SPATA16: variants seen among roughly 807,000 people sequenced by gnomAD.
SPATA16 encodes spermatogenesis associated 16, also known as spermatogenesis-associated protein 16.
A neutral mutation model predicts 63.3 loss-of-function variants in SPATA16; 36 were observed. That is an observed-to-expected ratio of 0.57 (90% CI 0.44 to 0.75). SPATA16 has a LOEUF of 0.75. Ranked by LOEUF, SPATA16 falls within the 30% of genes least tolerant of loss-of-function variation. The pLI is 0.00. For missense variants in SPATA16, 646 were observed against 679.3 expected (o/e 0.95, Z 0.54); for synonymous variants, 203 against 216.7 (o/e 0.94, Z 0.56).
chr3:172,907,597 C>A (rs758368245), intron 10 of SPATA16, among the ~76,000 whole-genome samples: 2 of 150,678 alleles, frequency 1.3e-5, no homozygotes, highest in African/African-American at 2.5e-5. Context: ...TTTTTTGAGA[C>A]AGAGTTTCAC....
chr3:172,916,274 G>C (rs371910720), intron 9 of SPATA16, 43 bp downstream of exon 9: 5 of 1,571,092 alleles, frequency 3.2e-6, no homozygotes, highest in Non-Finnish European at 4.4e-6. Context: ...CTTTTCTGTT[G>C]GCTCTGGGCC....
rs200270757 is a variant in SPATA16, at chr3:173,117,756, G to T, written c.-18-7C>A. On this transcript the variant is annotated splice_polypyrimidine_tract_variant and splice_region_variant and intron_variant, in intron 1 of 10. Transcript: ENST00000351008. ...TCGATCCTGCCCAAAACTCCTGCAG[G>T]GGGGAGAAAAAGGAAAGTAATTAAG... 1.9e-6 allele frequency: 3 copies of T among 1,613,898 alleles called. No individual in the cohort carries two copies. In the Admixed American group the frequency reaches 5.0e-5, roughly 27 times the overall value.
At chr3:173,089,296 T>C (rs1737162167) in intron 2 of SPATA16, among the ~76,000 whole-genome samples, 1 of 152,196 alleles carries the variant, frequency 6.6e-6, no homozygotes, top group Non-Finnish European at 1.5e-5. Context: ...GCGTCCTCTG[T>C]GGTGCACTTC....
chr3:173,080,814 C>A (rs1483184296), intron 2 of SPATA16, among the ~76,000 whole-genome samples: 4 of 152,140 alleles, frequency 2.6e-5, no homozygotes, highest in African/African-American at 9.7e-5. Context: ...ATCTGAAAGT[C>A]CTGCCTTTTG....
chr3:172,928,662 G>T (rs183875979), intron 6 of SPATA16, among the ~76,000 whole-genome samples: 1 of 152,254 alleles, frequency 6.6e-6, no homozygotes, highest in Admixed American at 6.5e-5. Flanking sequence ...GAATAGAAAC[G>T]AGTATCAGTA....
chr3:172,975,349 A>G (rs1734130410), intron 5 of SPATA16, among the ~76,000 whole-genome samples: 1 of 152,146 alleles, frequency 6.6e-6, no homozygotes, highest in African/African-American at 2.4e-5. Context: ...CAGGATAGGT[A>G]CTCATATACA....
At chr3:173,069,813 A>T (rs1736621950) in intron 2 of SPATA16, among the ~76,000 whole-genome samples, 1 of 152,238 alleles carries the variant, frequency 6.6e-6, no homozygotes, top group South Asian at 2.1e-4. Context: ...TATCCCTGTG[A>T]TGCAAGGATA....
At chr3:173,010,150 T>C (rs1334577608) in intron 4 of SPATA16, among the ~76,000 whole-genome samples, 2 of 152,238 alleles carry the variant, frequency 1.3e-5, no homozygotes, top group Non-Finnish European at 2.9e-5. Flanking sequence ...CTCCAGACCC[T>C]ATTCTTCTGC....
At chr3:173,064,965 G>A (rs1471642025) in intron 2 of SPATA16, among the ~76,000 whole-genome samples, 1 of 152,210 alleles carries the variant, frequency 6.6e-6, no homozygotes, top group African/African-American at 2.4e-5. Context: ...AAGGTGTACA[G>A]TGTGAGTTAT....
intron 1 of SPATA16, among the ~76,000 whole-genome samples, chr3:173,124,250 T>C (rs541958516): frequency 2.0e-5 from 3 of 152,348 alleles, no homozygotes; most frequent in Non-Finnish European, 4.4e-5. Flanking sequence ...TTCTCTTTTA[T>C]TATTTATTAA....
intron 2 of SPATA16, among the ~76,000 whole-genome samples, chr3:173,071,437 C>T (rs1577159791): frequency 6.6e-6 from 1 of 151,806 alleles, no homozygotes; most frequent in African/African-American, 2.4e-5. Flanking sequence ...CACAGGTAAC[C>T]AAAGGAAAAA....
At chr3:173,099,487 T>C (rs1455311196) in intron 2 of SPATA16, among the ~76,000 whole-genome samples, 1 of 152,166 alleles carries the variant, frequency 6.6e-6, no homozygotes, top group African/African-American at 2.4e-5. Context: ...TCTTGGTATG[T>C]ATCTCCTGAG....
chr3:173,060,868 T>G (rs1736362761), intron 2 of SPATA16, among the ~76,000 whole-genome samples: 1 of 152,224 alleles, frequency 6.6e-6, no homozygotes, highest in Non-Finnish European at 1.5e-5. Flanking sequence ...GAAATATGGT[T>G]TCCGGATTCC....
rs116980184 is a variant in SPATA16 at position 173,026,101 on chromosome 3, C to T, written c.759-6526G>A. On this transcript the variant is annotated intron_variant, in intron 3 of 10. Coordinates refer to ENST00000351008, the MANE Select transcript of SPATA16 (RefSeq NM_031955.6). Reference sequence around the variant, plus strand: ...AGAACTGGTATGATCAGCATGTATGCGTGTGTTGTGTTTAAAGTTTTAGCG... The same window carrying T: ...AGAACTGGTATGATCAGCATGTATGTGTGTGTTGTGTTTAAAGTTTTAGCG... Among the ~76,000 whole-genome samples, 317 of 151,924 alleles carry T rather than the reference C, an allele frequency of 2.1e-3. 5 individuals are homozygous for T. The highest frequency in any genetic ancestry group is 9.9e-4 in the Admixed American group (15 of 15,228).
At chr3:172,947,521 A>C (rs1300173860) in intron 6 of SPATA16, among the ~76,000 whole-genome samples, 3 of 148,282 alleles carry the variant, frequency 2.0e-5, no homozygotes, top group African/African-American at 5.3e-5. Flanking sequence ...CATTCACAGA[A>C]TATCTGAATA....
intron 4 of SPATA16, among the ~76,000 whole-genome samples, chr3:172,999,689 C>T (rs1322460612): frequency 3.3e-5 from 5 of 152,164 alleles, no homozygotes; most frequent in Non-Finnish European, 7.3e-5. Flanking sequence ...GCTGGGATTA[C>T]AGGCGTGAGC....
At chr3:173,011,441 C>G (rs1009685550) in intron 4 of SPATA16, among the ~76,000 whole-genome samples, 1 of 152,130 alleles carries the variant, frequency 6.6e-6, no homozygotes, top group African/African-American at 2.4e-5. Flanking sequence ...TATGACAAAC[C>G]TGGAGTCAAC....
rs566582418 is a variant in SPATA16 at position 172,944,399 on chromosome 3, C to A, written c.1081+12278G>T. ...ACATGGGGAAATTGGAACACTCGTGCACTTCTGGTGAGAATGTGAAATGGT... is the reference window on the plus strand; with the variant it reads ...ACATGGGGAAATTGGAACACTCGTGAACTTCTGGTGAGAATGTGAAATGGT... On this transcript the variant is annotated intron_variant, in intron 6 of 10. Coordinates refer to ENST00000351008, the MANE Select transcript of SPATA16 (RefSeq NM_031955.6). Among the ~76,000 whole-genome samples, 291 of 152,298 alleles carry A rather than the reference C, an allele frequency of 1.9e-3. 1 individual carries two copies. The highest frequency in any genetic ancestry group is 6.7e-3 in the African/African-American group (280 of 41,564).
chr3:172,976,739 T>C (rs986474378), intron 5 of SPATA16, among the ~76,000 whole-genome samples: 4 of 152,094 alleles, frequency 2.6e-5, no homozygotes, highest in African/African-American at 9.7e-5. Context: ...AAAATTTATA[T>C]TGAGTTGTAA....
Sources: allele counts gnomAD v4.1 joint callset (sites outside exome capture counted in the v4.1 genomes callset), GRCh38; gene constraint gnomAD v4.1.1; transcripts MANE v1.5; gene names NCBI Gene and HGNC (gene_info 2026-07-23, HGNC 2026-07-21).